The following ADAMTS18 variants were observed in gnomAD, a reference collection of about 807,000 sequenced individuals.
ADAMTS18 encodes the protein A disintegrin and metalloproteinase with thrombospondin motifs 18.
A neutral mutation model predicts 165.9 loss-of-function variants in ADAMTS18; 157 were observed. That is an observed-to-expected ratio of 0.95 (90% confidence interval 0.83 to 1.08). The LOEUF is 1.08. Among genes scored for constraint, ADAMTS18 ranks in the 50% least tolerant of loss-of-function variants. The probability of loss-of-function intolerance (pLI) is 0.00; values close to 1 mark genes in which losing one functional copy is unlikely to be tolerated. For missense variants in ADAMTS18, 2,040 were observed against 1,534.0 expected, an observed-to-expected ratio of 1.33 and a Z score of -5.51; for synonymous variants, 782 against 578.2, an observed-to-expected ratio of 1.35 and a Z score of -5.06.
intron 3 of ADAMTS18, among the ~76,000 whole-genome samples, chr16:77,384,183 G>C (rs1490587473): frequency 6.6e-6 from 1 of 152,142 alleles, no homozygotes; most frequent in Admixed American, 6.5e-5. Context: ...TGCTAAGGGA[G>C]ACATAAAAAC....
chr16:77,362,479 G>C (rs1206918197), intron 6 of ADAMTS18, among the ~76,000 whole-genome samples: 2 of 152,166 alleles, frequency 1.3e-5, no homozygotes, highest in African/African-American at 2.4e-5. Flanking sequence ...ATTTATGATT[G>C]ATCATAGTTC....
intron 3 of ADAMTS18, among the ~76,000 whole-genome samples, chr16:77,378,334 C>CAAAAAA (rs2056981436): frequency 3.0e-5 from 2 of 67,536 alleles, no homozygotes; most frequent in African/African-American, 6.2e-5. Flanking sequence ...AAAACAAAAA[C>CAAAAAA]AAAAACAAAA....
At chr16:77,303,280 C>T (rs1397606597) in intron 16 of ADAMTS18, among the ~76,000 whole-genome samples, 1 of 152,114 alleles carries the variant, frequency 6.6e-6, no homozygotes, top group Non-Finnish European at 1.5e-5. Flanking sequence ...TAATGGCTAC[C>T]ATACTGGATG....
intron 3 of ADAMTS18, among the ~76,000 whole-genome samples, chr16:77,407,977 A>G (rs1017329595): frequency 6.6e-6 from 1 of 152,158 alleles, no homozygotes; most frequent in Non-Finnish European, 1.5e-5. Context: ...ATAAAAAGGC[A>G]TACCAGGATG....
intron 8 of ADAMTS18, among the ~76,000 whole-genome samples, chr16:77,358,173 G>A (rs1782148439): frequency 6.6e-6 from 1 of 152,092 alleles, no homozygotes; most frequent in South Asian, 2.1e-4. Context: ...GTGCATGTGT[G>A]TCTAAATGTG....
chr16:77,418,019 C>A (rs895187171), intron 3 of ADAMTS18, among the ~76,000 whole-genome samples: 3 of 152,202 alleles, frequency 2.0e-5, no homozygotes, highest in African/African-American at 4.8e-5. Flanking sequence ...AGGCCCCTTT[C>A]CTCATAAAAA....
At chr16:77,290,039 C>T (rs2055332358) in intron 21 of ADAMTS18, among the ~76,000 whole-genome samples, 1 of 152,086 alleles carries the variant, frequency 6.6e-6, no homozygotes, top group African/African-American at 2.4e-5. Context: ...AAAAATGTAG[C>T]CCTTTAAATG....
At chr16:77,400,323 A>T (rs955916197) in intron 3 of ADAMTS18, among the ~76,000 whole-genome samples, 5 of 152,060 alleles carry the variant, frequency 3.3e-5, no homozygotes, top group African/African-American at 1.2e-4. Context: ...GAGTCTACTT[A>T]GCCTCCAGCC....
At chr16:77,399,465 G>T (rs2057299212) in intron 3 of ADAMTS18, among the ~76,000 whole-genome samples, 1 of 152,106 alleles carries the variant, frequency 6.6e-6, no homozygotes, top group African/African-American at 2.4e-5. Context: ...GAGGAGTTCT[G>T]ACTTAAGTTT....
intron 8 of ADAMTS18, among the ~76,000 whole-genome samples, chr16:77,357,469 G>A (rs942407616): frequency 6.6e-6 from 1 of 152,058 alleles, no homozygotes; most frequent in Non-Finnish European, 1.5e-5. Context: ...GACGTTAAGG[G>A]GATTTCTTTG....
intron 3 of ADAMTS18, among the ~76,000 whole-genome samples, chr16:77,400,296 G>C (rs1248075521): frequency 1.3e-5 from 2 of 151,512 alleles, no homozygotes; most frequent in East Asian, 3.9e-4. Flanking sequence ...TGTTCCCCAT[G>C]CTTTTCTTCT....
chr16:77,333,605 C>G (rs185044664), intron 12 of ADAMTS18, among the ~76,000 whole-genome samples: 1 of 151,290 alleles, frequency 6.6e-6, no homozygotes, highest in African/African-American at 2.4e-5. Context: ...AGGAATACCC[C>G]AAAGAAGGGA....
chr16:77,327,326 T>C (rs2056112611), intron 12 of ADAMTS18, among the ~76,000 whole-genome samples: 1 of 152,174 alleles, frequency 6.6e-6, no homozygotes, highest in Non-Finnish European at 1.5e-5. Flanking sequence ...TTTTATCCCT[T>C]GCCACCCCCT....
In ADAMTS18 at chr16:77,291,315, T is replaced by A. The variant is rs527684984; in HGVS notation, c.3353A>T (p.His1118Leu). 5.9e-5 allele frequency: 95 copies of A among 1,614,208 alleles called. 1 individual carries two copies. The South Asian group carries it at 9.8e-4, about 17-fold the overall frequency. ...ETCNRRACPA[H>L]PVYNMVAGWY... ...TCCAGCTACCATGTTGTACACTGGA[T>A]GGGCTGGGCAAGCCCGTCGGTTGCA... is the stretch of plus-strand genomic sequence containing the variant. Residue 1118 changes from histidine to leucine, a missense_variant, in exon 21 of 23, where the codon CAT (histidine) becomes CTT (leucine). Transcript: ENST00000282849.
At chr16:77,393,414 C>T (rs555945097) in intron 3 of ADAMTS18, among the ~76,000 whole-genome samples, 1 of 152,194 alleles carries the variant, frequency 6.6e-6, no homozygotes, top group African/African-American at 2.4e-5. Context: ...GTTCTAAACC[C>T]TGAGCTGACA....
intron 3 of ADAMTS18, among the ~76,000 whole-genome samples, chr16:77,374,318 G>A (rs1342139401): frequency 6.6e-6 from 1 of 152,030 alleles, no homozygotes; most frequent in East Asian, 1.9e-4. Context: ...ACCAGACATA[G>A]GAAGTGACAA....
At chr16:77,314,625 A>AGTGTGTGTGTG (rs1555511570) in intron 16 of ADAMTS18, among the ~76,000 whole-genome samples, 2 of 132,524 alleles carry the variant, frequency 1.5e-5, no homozygotes, top group Non-Finnish European at 1.6e-5. Flanking sequence ...AAAAAAAAAA[A>AGTGTGTGTGTG]TGTGTGTGTA....
At position 77,351,793 on chromosome 16, in the gene ADAMTS18, A is replaced by C. The variant is rs563594382; in HGVS notation, c.1614+1940T>G. Among the ~76,000 whole-genome samples, 59 of 152,188 alleles carry C rather than the reference A, an allele frequency of 3.9e-4. 1 individual carries two copies. The highest frequency in any genetic ancestry group is 1.4e-3 in the African/African-American group (57 of 41,532). On this transcript the variant is annotated intron_variant, in intron 10 of 22. Coordinates refer to ENST00000282849, the MANE Select transcript of ADAMTS18 (RefSeq NM_199355.4). ...CTGACTGTACTGACTGGAGTACAGT[A>C]GTGCTATCATCCTTCACTTCAGCCT...
At chr16:77,347,542 A>G (rs1373841371) in intron 10 of ADAMTS18, among the ~76,000 whole-genome samples, 1 of 151,988 alleles carries the variant, frequency 6.6e-6, no homozygotes, top group Non-Finnish European at 1.5e-5. Flanking sequence ...TCTTTTATAT[A>G]TTCCTGAGAG....
Sources: allele counts gnomAD v4.1 joint callset (sites outside exome capture counted in the v4.1 genomes callset), GRCh38; gene constraint gnomAD v4.1.1; transcripts MANE v1.5; gene names NCBI Gene and HGNC (gene_info 2026-07-23, HGNC 2026-07-21).